The following JAZF1 variants were observed in gnomAD, a reference collection of about 807,000 sequenced individuals.
The protein encoded by JAZF1 is JAZF zinc finger 1.
Under a neutral mutation model 26.4 loss-of-function variants are expected in JAZF1, and 8 were observed. The observed-to-expected ratio is 0.30, with a 90% CI of 0.18 to 0.55. JAZF1 has a LOEUF of 0.55. Among genes scored for constraint, JAZF1 ranks in the 20% least tolerant of loss-of-function variants. JAZF1 has a pLI of 0.94. For missense variants in JAZF1, 199 were observed against 322.0 expected, an observed-to-expected ratio of 0.62 and a Z score of 2.92; for synonymous variants, 126 against 122.3, an observed-to-expected ratio of 1.03 and a Z score of -0.20.
In JAZF1 at chr7:27,832,994, A is replaced by G. The variant is rs769196697; in HGVS notation, c.556-18T>C. ...TTCACATTCTGTGGAGAAGACAAAA[A>G]TATTTATTACATGGATTCACAGGAT... On this transcript the variant is annotated intron_variant, in intron 4 of 4. Coordinates refer to ENST00000283928, the MANE Select transcript of JAZF1 (RefSeq NM_175061.4). 2.0e-5 allele frequency: 30 copies of G among 1,533,412 alleles called. No individual in the cohort carries two copies. Among genetic ancestry groups the G allele is most frequent in the Admixed American group, 1.0e-4 (5 of 48,526 alleles). 95.0% of individuals were successfully genotyped at this position (1,533,412 alleles called of 1,614,324 possible).
chr7:28,108,937 AAGTC>A (rs1784596793), intron 1 of JAZF1, among the ~76,000 whole-genome samples: 1 of 152,224 alleles, frequency 6.6e-6, no homozygotes, highest in Non-Finnish European at 1.5e-5. Context: ...CTAAATGAAA[AAGTC>A]AGACACAGAA....
At position 28,030,901 on chromosome 7, in the gene JAZF1, C is replaced by T. The variant is rs753533653; in HGVS notation, c.116-38920G>A. Reference sequence around the variant, plus strand: ...TAACTGCCCCCATGATAAAGATAAACCTTCTTATGATATATTCAGATAAAT... The same window carrying T: ...TAACTGCCCCCATGATAAAGATAAATCTTCTTATGATATATTCAGATAAAT... On this transcript the variant is annotated intron_variant, in intron 1 of 4. Coordinates refer to ENST00000283928, the MANE Select transcript of JAZF1 (RefSeq NM_175061.4). 2.0e-5 allele frequency among the ~76,000 whole-genome samples: 3 copies of T among 152,108 alleles called. No individual in the cohort carries two copies. The East Asian group carries it at 5.8e-4, about 29-fold the overall frequency.
At chr7:28,058,909 A>G (rs1205846750) in intron 1 of JAZF1, among the ~76,000 whole-genome samples, 2 of 152,124 alleles carry the variant, frequency 1.3e-5, no homozygotes, top group Non-Finnish European at 2.9e-5. Flanking sequence ...CCTTCTTTAT[A>G]TGTCTTTCAC....
At chr7:27,835,458 C>G (rs1287093823) in intron 4 of JAZF1, among the ~76,000 whole-genome samples, 1 of 152,174 alleles carries the variant, frequency 6.6e-6, no homozygotes, top group African/African-American at 2.4e-5. Context: ...TGTTGTGTGT[C>G]TGGCATGAGA....
chr7:27,926,847 G>A (rs564307544), intron 2 of JAZF1, among the ~76,000 whole-genome samples: 4 of 152,194 alleles, frequency 2.6e-5, no homozygotes, highest in Non-Finnish European at 5.9e-5. Flanking sequence ...AAATGTAGTG[G>A]CAGGAGGCAA....
intron 1 of JAZF1, among the ~76,000 whole-genome samples, chr7:28,152,861 TAC>T (rs1264960804): frequency 1.3e-5 from 2 of 152,182 alleles, no homozygotes; most frequent in Non-Finnish European, 2.9e-5. Context: ...ACAAGAAAGA[TAC>T]AGAGATAACC....
chr7:28,122,575 A>T (rs1466960652), intron 1 of JAZF1, among the ~76,000 whole-genome samples: 1 of 152,142 alleles, frequency 6.6e-6, no homozygotes, highest in Non-Finnish European at 1.5e-5. Flanking sequence ...TGTGAAGGAG[A>T]AGAAAACAGT....
chr7:28,115,116 A>T (rs1583568333), intron 1 of JAZF1, among the ~76,000 whole-genome samples: 2 of 152,284 alleles, frequency 1.3e-5, no homozygotes, highest in South Asian at 4.1e-4. Context: ...GTTTTTAAGT[A>T]ATTCTGGCAG....
intron 3 of JAZF1, among the ~76,000 whole-genome samples, chr7:27,879,131 A>T (rs2128339213): frequency 6.6e-6 from 1 of 152,340 alleles, no homozygotes; most frequent in South Asian, 2.1e-4. Context: ...GCAGTAAGAC[A>T]CGCATTTTAG....
At chr7:27,955,845 T>A (rs530292713) in intron 2 of JAZF1, among the ~76,000 whole-genome samples, 1 of 152,142 alleles carries the variant, frequency 6.6e-6, no homozygotes, top group African/African-American at 2.4e-5. Flanking sequence ...AACCAGACTA[T>A]CTTTAGTGAA....
chr7:27,923,013 A>G (rs1784556992), intron 2 of JAZF1, among the ~76,000 whole-genome samples: 1 of 152,226 alleles, frequency 6.6e-6, no homozygotes, highest in Non-Finnish European at 1.5e-5. Flanking sequence ...AAGGACCCGA[A>G]GGGAGTTATG....
chr7:27,892,981 C>T (rs575868543), intron 3 of JAZF1, among the ~76,000 whole-genome samples: 2 of 152,306 alleles, frequency 1.3e-5, no homozygotes, highest in Middle Eastern at 3.4e-3. Flanking sequence ...GTTAAGGCAG[C>T]AACTCTGGTT....
chr7:27,936,838 C>A (rs1464123586), intron 2 of JAZF1, among the ~76,000 whole-genome samples: 1 of 152,216 alleles, frequency 6.6e-6, no homozygotes, highest in Non-Finnish European at 1.5e-5. Flanking sequence ...TTATCCCCTC[C>A]AGAATGAGCT....
chr7:27,879,568 G>A (rs1220434580), intron 3 of JAZF1, among the ~76,000 whole-genome samples: 1 of 152,010 alleles, frequency 6.6e-6, no homozygotes, highest in African/African-American at 2.4e-5. Context: ...GAATTTTAGG[G>A]AGACTTTCAA....
At chr7:28,102,042 G>A (rs1208665896) in intron 1 of JAZF1, among the ~76,000 whole-genome samples, 1 of 152,170 alleles carries the variant, frequency 6.6e-6, no homozygotes, top group Non-Finnish European at 1.5e-5. Flanking sequence ...GAACTGGGGA[G>A]TGGTACCACC....
chr7:28,122,544 G>A (rs560104912), intron 1 of JAZF1, among the ~76,000 whole-genome samples: 2 of 152,260 alleles, frequency 1.3e-5, no homozygotes, highest in Admixed American at 6.5e-5. Context: ...CAGGATTTAA[G>A]GGGTTCTCCA....
At chr7:27,860,976 A>T (rs1783369073) in intron 3 of JAZF1, among the ~76,000 whole-genome samples, 1 of 151,930 alleles carries the variant, frequency 6.6e-6, no homozygotes, top group South Asian at 2.1e-4. Context: ...CCCCTTCTCC[A>T]CTGTCCCAGC....
At chr7:28,104,956 C>T (rs985621117) in intron 1 of JAZF1, among the ~76,000 whole-genome samples, 4 of 152,140 alleles carry the variant, frequency 2.6e-5, no homozygotes, top group Admixed American at 6.5e-5. Flanking sequence ...CCTCATGAAA[C>T]AACCATGTCT....
chr7:27,860,333 G>C (rs962084000), intron 3 of JAZF1, among the ~76,000 whole-genome samples: 2 of 152,142 alleles, frequency 1.3e-5, no homozygotes, highest in Non-Finnish European at 2.9e-5. Context: ...AGAACCTCTT[G>C]ACAACATTAA....
Sources: gnomAD v4.1 joint callset for allele counts (sites outside exome capture counted in the v4.1 genomes callset) on GRCh38, gnomAD v4.1.1 for gene constraint, MANE v1.5 for transcripts, NCBI Gene and HGNC (gene_info 2026-07-23, HGNC 2026-07-21) for gene names.